Variants in F2R observed in about 807,000 individuals in gnomAD.
F2R encodes the protein proteinase-activated receptor 1.
F2R carries 12 observed loss-of-function variants against 18.3 expected under a neutral mutation model. The ratio of observed to expected loss-of-function variants is 0.66; its 90% CI spans 0.42 to 1.06. The LOEUF (loss-of-function observed/expected upper bound fraction) is 1.06, where lower values mean the gene tolerates loss of function less well. F2R is among the 50% of genes least tolerant of loss of function. The pLI is 0.00. For synonymous variants in F2R, 210 were observed against 219.9 expected (o/e 0.95, Z 0.40); for missense variants, 438 against 530.8 (o/e 0.83, Z 1.72).
rs761939723 is a variant in F2R at position 76,732,851 on chromosome 5, A to G, written c.626A>G (p.Gln209Arg). The part of the protein sequence containing the change: ...DRFLAVVYPM[Q>R]SLSWRTLGRA... ...TTTCTGGCTGTGGTGTATCCCATGC[A>G]GTCCCTCTCCTGGCGTACTCTGGGA... The change falls in exon 2 of 2, where the codon CAG (glutamine) becomes CGG (arginine). Residue 209 changes from glutamine to arginine, a missense_variant. Physicochemically the swap from Gln to Arg is conservative, Grantham distance 43. Transcript: ENST00000319211. The G allele has an allele frequency of 1.9e-6, 3 of 1,614,090 alleles. No homozygotes were observed. The highest frequency in any genetic ancestry group is 4.5e-5 in the East Asian group (2 of 44,896).
At chr5:76,717,440 C>T (rs2089118801) in intron 1 of F2R, among the ~76,000 whole-genome samples, 1 of 151,892 alleles carries the variant, frequency 6.6e-6, no homozygotes, top group Non-Finnish European at 1.5e-5. Flanking sequence ...AAAGAATGTG[C>T]ACTCTATATT....
Position 76,733,840 on chromosome 5 carries a change from A to G in F2R, c.*337A>G, listed in dbSNP as rs1373994149. On this transcript the variant is annotated 3_prime_UTR_variant, in exon 2 of 2. Coordinates refer to ENST00000319211, the MANE Select transcript of F2R (RefSeq NM_001992.5). ...ATATATTATTTGCAGTGCAGTATAG[A>G]ATAGGCACTTTAAAACACTCTTTCC... 4.8e-6 allele frequency: 1 copy of G among 209,330 alleles called. No homozygotes were observed. Among genetic ancestry groups the G allele is most frequent in the Admixed American group, 5.2e-5 (1 of 19,060 alleles). The allele number at this position is 209,330 out of a possible 1,614,324, so 13.0% of individuals were successfully genotyped here.
rs546007149 is a variant in F2R, at chr5:76,732,598, G to A, written c.373G>A (p.Val125Ile). Residue 125 changes from valine to isoleucine, a missense_variant, in exon 2 of 2, where the codon GTT becomes ATT. Coordinates refer to ENST00000319211, the MANE Select transcript of F2R (RefSeq NM_001992.5). ...VSLPLNIMAI[V>I]VFILKMKVKK... ...CCTCCCACTAAACATCATGGCCATCGTTGTGTTCATCCTGAAAATGAAGGT... is the reference window on the plus strand; with the variant it reads ...CCTCCCACTAAACATCATGGCCATCATTGTGTTCATCCTGAAAATGAAGGT... 2 of 1,614,174 alleles carry A rather than the reference G, an allele frequency of 1.2e-6. No homozygotes were observed. The highest frequency in any genetic ancestry group is 1.7e-6 in the Non-Finnish European group (2 of 1,180,040).
In F2R at chr5:76,733,195, A is replaced by C; in HGVS notation, c.970A>C (p.Ile324Leu). 1 of 1,613,820 alleles carries C rather than the reference A, an allele frequency of 6.2e-7. No homozygotes were observed. The change falls in exon 2 of 2, where the codon ATT becomes CTT. Residue 324 changes from isoleucine (I) to leucine (L), a missense_variant. Physicochemically the swap from Ile to Leu is conservative, Grantham distance 5. Coordinates refer to ENST00000319211, the MANE Select transcript of F2R (RefSeq NM_001992.5). ...AGCTGCTGTTTTCTGCATCTTCATCATTTGCTTCGGACCCACAAACGTCCT... is the reference window on the plus strand; with the variant it reads ...AGCTGCTGTTTTCTGCATCTTCATCCTTTGCTTCGGACCCACAAACGTCCT... ...LSAAVFCIFIICFGPTNVLLI... is the reference protein window; with the variant it reads ...LSAAVFCIFILCFGPTNVLLI...
chr5:76,721,400 C>T (rs954398718), intron 1 of F2R, among the ~76,000 whole-genome samples: 7 of 152,142 alleles, frequency 4.6e-5, no homozygotes, highest in Middle Eastern at 3.2e-3. Context: ...TCCCCAGATA[C>T]CGTCTCCCAC....
rs551757938 is a variant in F2R, at chr5:76,725,772, C to A, written c.89-6542C>A. ...CCTGAGCTCTAGCCTATAAAAATTT[C>A]ATGTTTCCACAAGTATAATGTTCCT... On this transcript the variant is annotated intron_variant, in intron 1 of 1. Coordinates refer to ENST00000319211, the MANE Select transcript of F2R (RefSeq NM_001992.5). 3.3e-5 allele frequency among the ~76,000 whole-genome samples: 5 copies of A among 152,288 alleles called. No individual in the cohort carries two copies. In the South Asian group the frequency reaches 6.2e-4, roughly 19 times the overall value.
At position 76,734,675 on chromosome 5, in the gene F2R, G is replaced by A. The variant is rs1561632941; in HGVS notation, c.*1172G>A. The A allele has an allele frequency of 1.3e-5, 2 of 152,244 alleles. No individual in the cohort carries two copies. The highest frequency in any genetic ancestry group is 2.9e-5 in the Non-Finnish European group (2 of 68,028). The allele number at this position is 152,244 out of a possible 1,614,324, so 9.4% of individuals were successfully genotyped here. A position where few individuals can be genotyped will look rare whatever the true frequency, so the allele number is the denominator to read the frequency against. On this transcript the variant is annotated 3_prime_UTR_variant, in exon 2 of 2. Transcript: ENST00000319211. Reference sequence around the variant, plus strand: ...ACAGAGTGGAATAAGACAGAGACCTGCCCTCAAGAGCAAAGTAGATCATGC... The same window carrying A: ...ACAGAGTGGAATAAGACAGAGACCTACCCTCAAGAGCAAAGTAGATCATGC...
chr5:76,726,931 G>A (rs1029286008), intron 1 of F2R, among the ~76,000 whole-genome samples: 4 of 152,202 alleles, frequency 2.6e-5, no homozygotes, highest in South Asian at 2.1e-4. Context: ...ACTGGGGCAA[G>A]GTGAACACAG....
chr5:76,728,687 T>C lies in F2R; in HGVS notation c.89-3627T>C, dbSNP rs1580893152. 2.2e-5 allele frequency among the ~76,000 whole-genome samples: 3 copies of C among 137,730 alleles called. No individual in the cohort carries two copies. The South Asian group carries it at 7.2e-4, about 33-fold the overall frequency. The allele number at this position is 137,730 out of a possible 152,430, so 90.4% of individuals were successfully genotyped here. A position where few individuals can be genotyped will look rare whatever the true frequency, so the allele number is the denominator to read the frequency against. On this transcript the variant is annotated intron_variant, in intron 1 of 1. Transcript: ENST00000319211. ...ATTGCAGCTATTGACATCCTGGTCTTTTTTTTTTTTTTTTTTTTTTTGAGA... is the reference window on the plus strand; with the variant it reads ...ATTGCAGCTATTGACATCCTGGTCTCTTTTTTTTTTTTTTTTTTTTTGAGA...
chr5:76,719,682 C>G (rs1748410961), intron 1 of F2R, among the ~76,000 whole-genome samples: 1 of 152,170 alleles, frequency 6.6e-6, no homozygotes, highest in Non-Finnish European at 1.5e-5. Flanking sequence ...AGGAAGCCAT[C>G]TAGACTCCCA....
chr5:76,733,483 T>C lies in F2R; in HGVS notation c.1258T>C (p.Tyr420His), dbSNP rs1039562140. The C allele has an allele frequency of 2.5e-6, 4 of 1,609,216 alleles. No homozygotes were observed. Among genetic ancestry groups the C allele is most frequent in the Non-Finnish European group, 3.4e-6 (4 of 1,178,412 alleles). Residue 420 changes from tyrosine (Y) to histidine (H), a missense_variant, in exon 2 of 2, where the codon TAC becomes CAC. Transcript: ENST00000319211. ...TCSSNLNNSIYKKLLT is the reference protein window; with the variant it reads ...TCSSNLNNSIHKKLLT Reference sequence around the variant, plus strand: ...CTCTAGTAACCTGAATAACAGCATATACAAAAAGCTGTTAACTTAGGAAAA... The same window carrying C: ...CTCTAGTAACCTGAATAACAGCATACACAAAAAGCTGTTAACTTAGGAAAA...
chr5:76,733,156 G>A lies in F2R; in HGVS notation c.931G>A (p.Ala311Thr), dbSNP rs758894584. 6.2e-7 allele frequency: 1 copy of A among 1,614,156 alleles called. No individual in the cohort carries two copies. Among genetic ancestry groups the A allele is most frequent in the South Asian group, 1.1e-5 (1 of 91,078 alleles). The change falls in exon 2 of 2, where the codon GCT (alanine) becomes ACT (threonine). Residue 311 changes from alanine to threonine, a missense_variant. Physicochemically the swap from Ala to Thr is moderately conservative, Grantham distance 58 (BLOSUM62 0). Coordinates refer to ENST00000319211, the MANE Select transcript of F2R (RefSeq NM_001992.5). The part of the protein sequence containing the change: ...AVANRSKKSR[A>T]LFLSAAVFCI... Reference sequence around the variant, plus strand: ...TGCCAACCGCAGCAAGAAGTCCCGGGCTTTGTTCCTGTCAGCTGCTGTTTT... The same window carrying A: ...TGCCAACCGCAGCAAGAAGTCCCGGACTTTGTTCCTGTCAGCTGCTGTTTT...
chr5:76,718,447 G>C (rs531830676), intron 1 of F2R, among the ~76,000 whole-genome samples: 1 of 152,352 alleles, frequency 6.6e-6, no homozygotes, highest in Admixed American at 6.5e-5. Context: ...CGCTGTGATA[G>C]AGTTTATTGT....
At chr5:76,727,306 A>C (rs1580892411) in intron 1 of F2R, among the ~76,000 whole-genome samples, 1 of 152,242 alleles carries the variant, frequency 6.6e-6, no homozygotes, top group East Asian at 1.9e-4. Flanking sequence ...TTAGAATTCC[A>C]TTTTAATGAT....
At chr5:76,716,700 T>G (rs1404872415) in intron 1 of F2R, 1 of 726,164 alleles carries the variant, frequency 1.4e-6, no homozygotes, top group South Asian at 1.5e-5. Flanking sequence ...TGCGTTGCAC[T>G]TGTCATTGTG....
In F2R at chr5:76,716,191, C is replaced by CT. The variant is rs1415517256; in HGVS notation, c.-117_-116insT. 15 of 767,312 alleles carry CT rather than the reference C, an allele frequency of 2.0e-5. No individual in the cohort carries two copies. Among genetic ancestry groups the CT allele is most frequent in the Non-Finnish European group, 2.8e-5 (15 of 544,276 alleles). 47.5% of individuals were successfully genotyped at this position (767,312 alleles called of 1,614,324 possible). A position where few individuals can be genotyped will look rare whatever the true frequency, so the allele number is the denominator to read the frequency against. On this transcript the variant is annotated 5_prime_UTR_variant, in exon 1 of 2. Coordinates refer to ENST00000319211, the MANE Select transcript of F2R (RefSeq NM_001992.5). ...CCTGATCTTACCCGTGGGCACCCTG[C>CT]GCTCTGCCTGCCGCGAAGACCGGCT... is the stretch of plus-strand genomic sequence containing the variant.
At chr5:76,731,163 C>A (rs1291025721) in intron 1 of F2R, among the ~76,000 whole-genome samples, 1 of 152,150 alleles carries the variant, frequency 6.6e-6, no homozygotes. Context: ...GGAGATAACC[C>A]CAGGGATTGT....
chr5:76,726,517 A>G (rs933408695), intron 1 of F2R, among the ~76,000 whole-genome samples: 1 of 151,652 alleles, frequency 6.6e-6, no homozygotes, highest in Non-Finnish European at 1.5e-5. Flanking sequence ...GGCCTGGGCG[A>G]AAGAGCGAGA....
chr5:76,732,919 G>T lies in F2R; in HGVS notation c.694G>T (p.Ala232Ser). 1.2e-6 allele frequency: 2 copies of T among 1,614,124 alleles called. No homozygotes were observed. Among genetic ancestry groups the T allele is most frequent in the African/African-American group, 1.3e-5 (1 of 75,022 alleles). The change falls in exon 2 of 2, where the codon GCA (alanine) becomes TCA (serine). Residue 232 changes from alanine to serine, a missense_variant. Ala to Ser is a moderately conservative substitution (Grantham distance 99). Transcript: ENST00000319211. ...TCLAIWALAIAGVVPLLLKEQ... is the reference protein window; with the variant it reads ...TCLAIWALAISGVVPLLLKEQ... The stretch of plus-strand genomic sequence containing the variant: ...TCTGGCCATCTGGGCTTTGGCCATC[G>T]CAGGGGTAGTGCCTCTGCTCCTCAA...
Sources: gnomAD v4.1 joint callset for allele counts (sites outside exome capture counted in the v4.1 genomes callset) on GRCh38, gnomAD v4.1.1 for gene constraint, MANE v1.5 for transcripts, NCBI Gene and HGNC (gene_info 2026-07-23, HGNC 2026-07-21) for gene names.